The following C2orf49 variants were observed in gnomAD, a reference collection of about 807,000 sequenced individuals.
C2orf49 encodes the protein tRNA-splicing ligase complex subunit ASW.
In C2orf49, 11 loss-of-function variants were observed where a neutral mutation model predicts 20.6. The observed-to-expected ratio is 0.53, with a 90% CI of 0.34 to 0.88. The LOEUF is 0.88. Among genes scored for constraint, C2orf49 ranks in the 40% least tolerant of loss-of-function variants. The pLI is 0.02. For synonymous variants in C2orf49, 134 were observed against 108.5 expected, an observed-to-expected ratio of 1.24 and a Z score of -1.46; for missense variants, 289 against 274.2, an observed-to-expected ratio of 1.05 and a Z score of -0.38.
the C2orf49 span, chr2:105,373,398 C>T: frequency 1.2e-3 from 831 of 717,150 alleles, 6 homozygotes; most frequent in African/African-American, 0.013. Flanking sequence ...CTGTATGTCC[C>T]TGCTTCGTAA....
chr2:105,366,952 C>T, the C2orf49 span, among the ~76,000 whole-genome samples: 1 of 152,118 alleles, frequency 6.6e-6, no homozygotes, highest in East Asian at 1.9e-4. Context: ...CATCATGTTG[C>T]CCAGGCTGGT....
In C2orf49 at chr2:105,345,332, A is replaced by G. The variant is rs1212172994; in HGVS notation, c.660A>G (p.Pro220=). Residue 220 remains proline (P), a synonymous_variant, in exon 4 of 4, where the codon CCA becomes CCG. Transcript: ENST00000258457. ...EAEAMNNLKP[P]QAKRKIQHVT... is the part of the protein sequence containing the mutation. Reference sequence around the variant, plus strand: ...TCTTTCAGAATAACCTGAAGCCCCCACAAGCAAAAAGGAAGATACAACATG... The same window carrying G: ...TCTTTCAGAATAACCTGAAGCCCCCGCAAGCAAAAAGGAAGATACAACATG... The G allele has an allele frequency of 6.2e-7, 1 of 1,613,362 alleles. No individual in the cohort carries two copies. Among genetic ancestry groups the G allele is most frequent in the East Asian group, 2.2e-5 (1 of 44,848 alleles).
the C2orf49 span, among the ~76,000 whole-genome samples, chr2:105,375,011 G>A: frequency 5.9e-5 from 9 of 152,328 alleles, no homozygotes; most frequent in East Asian, 1.5e-3. Context: ...AACCGAAGTC[G>A]AAGCTGGAGT....
At chr2:105,354,493 C>T in the C2orf49 span, among the ~76,000 whole-genome samples, 2 of 151,910 alleles carry the variant, frequency 1.3e-5, no homozygotes, top group South Asian at 2.1e-4. Flanking sequence ...GGTGAAACCC[C>T]GTCACTATTG....
the C2orf49 span, chr2:105,378,447 C>A: frequency 1.3e-4 from 38 of 284,992 alleles, no homozygotes; most frequent in African/African-American, 7.8e-4. Flanking sequence ...AACCATTTCG[C>A]CTTGGCTCCT....
chr2:105,373,430 A>G, the C2orf49 span: 1 of 898,262 alleles, frequency 1.1e-6, no homozygotes, highest in East Asian at 2.6e-5. Flanking sequence ...ACTCCTCTGC[A>G]GTTCAAGGTC....
At chr2:105,366,889 G>A in the C2orf49 span, among the ~76,000 whole-genome samples, 1 of 152,280 alleles carries the variant, frequency 6.6e-6, no homozygotes, top group African/African-American at 2.4e-5. Context: ...GGGACTACAG[G>A]CGTGTGCCAC....
chr2:105,371,252 C>A, the C2orf49 span, among the ~76,000 whole-genome samples: 2 of 152,144 alleles, frequency 1.3e-5, no homozygotes, highest in African/African-American at 4.8e-5. Context: ...ATGTGACTAA[C>A]ATCTAAGTCA....
chr2:105,384,797 A>G, the C2orf49 span, among the ~76,000 whole-genome samples: 1 of 152,164 alleles, frequency 6.6e-6, no homozygotes, highest in Non-Finnish European at 1.5e-5. Flanking sequence ...CTTTGAGCCT[A>G]TGCCCCTGGC....
the C2orf49 span, chr2:105,363,572 C>T: frequency 3.1e-5 from 35 of 1,146,648 alleles, no homozygotes; most frequent in Middle Eastern, 2.9e-4. Flanking sequence ...CATCCAGAAA[C>T]GTCCAGTTTG....
chr2:105,382,709 T>C, the C2orf49 span, among the ~76,000 whole-genome samples: 1 of 152,144 alleles, frequency 6.6e-6, no homozygotes, highest in Non-Finnish European at 1.5e-5. Context: ...TTTTTCTCTT[T>C]GTAGCACCCT....
At chr2:105,375,028 G>A in the C2orf49 span, among the ~76,000 whole-genome samples, 1 of 152,208 alleles carries the variant, frequency 6.6e-6, no homozygotes, top group Non-Finnish European at 1.5e-5. Context: ...GAGTTATGCT[G>A]AATGTAGGAT....
At chr2:105,375,216 A>G in the C2orf49 span, 1 of 152,156 alleles carries the variant, frequency 6.6e-6, no homozygotes, top group African/African-American at 2.4e-5. Context: ...CTGGAACCAA[A>G]CTAGTTATTT....
At chr2:105,378,009 TGAGA>T in the C2orf49 span, 1 of 463,840 alleles carries the variant, frequency 2.2e-6, no homozygotes, top group Non-Finnish European at 4.5e-6. Context: ...CAAGAAAAAC[TGAGA>T]GAGAAATCTC....
At chr2:105,349,955 G>C (rs1679898706), downstream of C2orf49, among the ~76,000 whole-genome samples, 1 of 152,156 alleles carries the variant, frequency 6.6e-6, no homozygotes, top group Non-Finnish European at 1.5e-5. Flanking sequence ...AACTTGCTTT[G>C]ATCAAGTGAA....
At position 105,345,590 on chromosome 2, in the gene C2orf49, T is replaced by C. The variant is rs1679791682; in HGVS notation, c.*219T>C. 1 of 570,342 alleles carries C rather than the reference T, an allele frequency of 1.8e-6. No homozygotes were observed. Among genetic ancestry groups the C allele is most frequent in the African/African-American group, 1.9e-5 (1 of 52,464 alleles). 35.3% of individuals were successfully genotyped at this position (570,342 alleles called of 1,614,324 possible). On this transcript the variant is annotated 3_prime_UTR_variant, in exon 4 of 4. Transcript: ENST00000258457. ...GTCTTGCCCTGATTAGGAAAGAATA[T>C]CTTTTTAAACCAATGGCTTAGTATA...
At chr2:105,367,133 T>C in the C2orf49 span, among the ~76,000 whole-genome samples, 2 of 152,174 alleles carry the variant, frequency 1.3e-5, no homozygotes, top group Non-Finnish European at 2.9e-5. Flanking sequence ...CTTTTCTCCT[T>C]TACTTTTCTT....
the C2orf49 span, chr2:105,361,108 GACTGAACTATCAC>G: frequency 3.5e-6 from 2 of 572,232 alleles, no homozygotes; most frequent in Non-Finnish European, 5.8e-6. Flanking sequence ...CTTTCCCTGG[GACTGAACTATCAC>G]AAAGCACTAA....
At chr2:105,337,788 C>G in intron 1 of C2orf49, 102 bp downstream of exon 1, 2 of 1,078,366 alleles carry the variant, frequency 1.9e-6, no homozygotes, top group South Asian at 3.1e-5. Flanking sequence ...CGGACACTCC[C>G]GCCGGGTTTG....
Sources: gnomAD v4.1 joint callset for allele counts (sites outside exome capture counted in the v4.1 genomes callset) on GRCh38, gnomAD v4.1.1 for gene constraint, MANE v1.5 for transcripts, NCBI Gene and HGNC (gene_info 2026-07-23, HGNC 2026-07-21) for gene names.